BMPR1B: variants seen among roughly 807,000 people sequenced by gnomAD.
BMPR1B encodes bone morphogenetic protein receptor type 1B.
Under a neutral mutation model 59.1 loss-of-function variants are expected in BMPR1B, and 12 were observed. That is an observed-to-expected ratio of 0.20 (90% confidence interval 0.13 to 0.33). The LOEUF (loss-of-function observed/expected upper bound fraction) is 0.33, where lower values mean the gene tolerates loss of function less well. BMPR1B is among the 10% of genes least tolerant of loss of function. The probability of loss-of-function intolerance (pLI) is 1.00; values close to 1 mark genes in which losing one functional copy is unlikely to be tolerated. For missense variants in BMPR1B, 550 were observed against 610.9 expected, an observed-to-expected ratio of 0.90 and a Z score of 1.05; for synonymous variants, 237 against 207.3, an observed-to-expected ratio of 1.14 and a Z score of -1.23.
chr4:95,038,565 T>C (rs1302265487), intron 3 of BMPR1B, among the ~76,000 whole-genome samples: 2 of 152,232 alleles, frequency 1.3e-5, no homozygotes, highest in Admixed American at 1.3e-4. Context: ...GGAAAAATTA[T>C]GATGAATAAT....
At chr4:94,899,076 C>T (rs1727702053) in intron 2 of BMPR1B, among the ~76,000 whole-genome samples, 1 of 152,000 alleles carries the variant, frequency 6.6e-6, no homozygotes, top group African/African-American at 2.4e-5. Context: ...CCTTATCCAG[C>T]CTCTGGTGGC....
chr4:94,926,917 C>T (rs1390093253), intron 2 of BMPR1B, among the ~76,000 whole-genome samples: 2 of 151,998 alleles, frequency 1.3e-5, no homozygotes, highest in African/African-American at 4.8e-5. Flanking sequence ...TTATTAAATG[C>T]ATGTTTTTTC....
chr4:94,837,564 G>A (rs1245656355), intron 1 of BMPR1B, among the ~76,000 whole-genome samples: 1 of 144,430 alleles, frequency 6.9e-6, no homozygotes, highest in African/African-American at 2.6e-5. Flanking sequence ...CTGTTTGTCT[G>A]TTGTTGGTGT....
Position 95,123,801 on chromosome 4 carries a change from T to C in BMPR1B, c.350-9T>C. 1 of 1,589,976 alleles carries C rather than the reference T, an allele frequency of 6.3e-7. No homozygotes were observed. The highest frequency in any genetic ancestry group is 8.6e-7 in the Non-Finnish European group (1 of 1,160,964). On this transcript the variant is annotated splice_polypyrimidine_tract_variant and intron_variant, in intron 6 of 12. Transcript: ENST00000515059. ...TCTTGATTATGGCTCTTTTTCTTTT[T>C]AATTTCAGATTTTGTTGATGGACCT...
intron 1 of BMPR1B, among the ~76,000 whole-genome samples, chr4:94,844,335 C>T (rs1725232854): frequency 6.6e-6 from 1 of 151,550 alleles, no homozygotes; most frequent in African/African-American, 2.4e-5. Flanking sequence ...ATACAAGAAA[C>T]AGAAACTAAT....
intron 1 of BMPR1B, among the ~76,000 whole-genome samples, chr4:94,856,716 G>A (rs889975368): frequency 2.6e-5 from 4 of 152,156 alleles, no homozygotes; most frequent in East Asian, 1.9e-4. Context: ...AAACTGTTTT[G>A]TGGTAGATGC....
intron 1 of BMPR1B, among the ~76,000 whole-genome samples, chr4:94,859,923 T>G (rs987594560): frequency 6.6e-6 from 1 of 152,148 alleles, no homozygotes; most frequent in African/African-American, 2.4e-5. Context: ...TTTTCCTGGG[T>G]CTCCAGGAGC....
intron 10 of BMPR1B, among the ~76,000 whole-genome samples, chr4:95,135,322 T>A (rs912575321): frequency 1.6e-4 from 25 of 152,218 alleles, no homozygotes; most frequent in African/African-American, 5.8e-4. Context: ...TTCTTTTGGC[T>A]TAGGATTGAC....
intron 2 of BMPR1B, among the ~76,000 whole-genome samples, chr4:94,881,613 G>A (rs898839958): frequency 1.3e-5 from 2 of 151,922 alleles, no homozygotes; most frequent in African/African-American, 4.8e-5. Context: ...GTACAGGTGT[G>A]CACCACCACA....
At chr4:94,812,179 C>A (rs893597450) in intron 1 of BMPR1B, among the ~76,000 whole-genome samples, 7 of 147,520 alleles carry the variant, frequency 4.7e-5, no homozygotes, top group African/African-American at 1.9e-4. Flanking sequence ...GTACCTAGTC[C>A]TCCAAAATTT....
At chr4:94,915,311 T>A (rs1278728397) in intron 2 of BMPR1B, among the ~76,000 whole-genome samples, 1 of 152,190 alleles carries the variant, frequency 6.6e-6, no homozygotes, top group Non-Finnish European at 1.5e-5. Flanking sequence ...GGAAAGAACA[T>A]GAGTTATTTG....
intron 2 of BMPR1B, among the ~76,000 whole-genome samples, chr4:94,939,015 A>T (rs1729417091): frequency 6.6e-6 from 1 of 152,146 alleles, no homozygotes; most frequent in African/African-American, 2.4e-5. Context: ...TGTCTCTTTA[A>T]AAAATAAACA....
intron 2 of BMPR1B, among the ~76,000 whole-genome samples, chr4:94,982,669 G>A (rs1721161700): frequency 6.6e-6 from 1 of 152,100 alleles, no homozygotes; most frequent in Admixed American, 6.6e-5. Flanking sequence ...CTCCTTATTT[G>A]ACATCATCAT....
At chr4:95,006,331 T>TC (rs902681985) in intron 3 of BMPR1B, among the ~76,000 whole-genome samples, 1 of 147,602 alleles carries the variant, frequency 6.8e-6, no homozygotes, top group African/African-American at 2.5e-5. Context: ...GATCATGAGA[T>TC]CAGGAGTACG....
rs35340333 is a variant in BMPR1B, at chr4:94,880,054, AATTATT to A, written c.-113+4161_-113+4166del. Among the ~76,000 whole-genome samples, 491 of 152,158 alleles carry A rather than the reference AATTATT, an allele frequency of 3.2e-3. 1 individual carries two copies. The highest frequency in any genetic ancestry group is 0.011 in the African/African-American group (477 of 41,542). On this transcript the variant is annotated intron_variant, in intron 2 of 12. Transcript: ENST00000515059. The stretch of plus-strand genomic sequence containing the variant: ...TCTTATTATATAAAATGACAATACA[AATTATT>A]ATTATTTTATTCATAATTTTTGACT...
chr4:95,097,842 T>C (rs567919955), intron 3 of BMPR1B, among the ~76,000 whole-genome samples: 1 of 152,304 alleles, frequency 6.6e-6, no homozygotes, highest in South Asian at 2.1e-4. Context: ...AGCCTGACTT[T>C]CTTTGGTGAA....
chr4:94,881,033 A>AT (rs1387616798), intron 2 of BMPR1B, among the ~76,000 whole-genome samples: 1 of 152,120 alleles, frequency 6.6e-6, no homozygotes, highest in Non-Finnish European at 1.5e-5. Flanking sequence ...TAATATTGCC[A>AT]TTTTTTATTG....
chr4:94,853,821 T>A (rs1331133330), intron 1 of BMPR1B, among the ~76,000 whole-genome samples: 1 of 151,954 alleles, frequency 6.6e-6, no homozygotes, highest in Non-Finnish European at 1.5e-5. Context: ...ATTTGGAAAT[T>A]TAAAAAAAAA....
chr4:94,800,174 T>C (rs921583751), intron 1 of BMPR1B, among the ~76,000 whole-genome samples: 2 of 152,210 alleles, frequency 1.3e-5, no homozygotes, highest in African/African-American at 4.8e-5. Context: ...AATTCTGTTT[T>C]CAGTGCCTCA....
Sources: gnomAD v4.1 joint callset for allele counts (sites outside exome capture counted in the v4.1 genomes callset) on GRCh38, gnomAD v4.1.1 for gene constraint, MANE v1.5 for transcripts, NCBI Gene and HGNC (gene_info 2026-07-23, HGNC 2026-07-21) for gene names.